The following TTC17 variants were observed in gnomAD, a reference collection of about 807,000 sequenced individuals.
TTC17 encodes tetratricopeptide repeat domain 17.
In TTC17, 58 loss-of-function variants were observed where a neutral mutation model predicts 143.8. The ratio of observed to expected loss-of-function variants is 0.40; its 90% CI spans 0.33 to 0.50. TTC17 has a LOEUF of 0.50. Among genes scored for constraint, TTC17 ranks in the 20% least tolerant of loss-of-function variants. TTC17 has a pLI of 0.49. For synonymous variants in TTC17, 501 were observed against 497.8 expected, an observed-to-expected ratio of 1.01 and a Z score of -0.09; for missense variants, 1,273 against 1,392.5, an observed-to-expected ratio of 0.91 and a Z score of 1.37.
intron 21 of TTC17, among the ~76,000 whole-genome samples, chr11:43,480,002 A>C (rs1422341484): frequency 6.6e-6 from 1 of 152,288 alleles, no homozygotes; most frequent in South Asian, 2.1e-4. Context: ...AATAGGAAGA[A>C]AGAAGTCCCT....
intron 21 of TTC17, among the ~76,000 whole-genome samples, chr11:43,483,023 A>AT (rs1345306126): frequency 6.6e-6 from 1 of 152,188 alleles, no homozygotes; most frequent in Non-Finnish European, 1.5e-5. Context: ...AACTATGGTT[A>AT]TATCAAATTA....
At chr11:43,369,065 C>T (rs1386747486) in intron 1 of TTC17, among the ~76,000 whole-genome samples, 3 of 152,240 alleles carry the variant, frequency 2.0e-5, no homozygotes, top group Admixed American at 1.3e-4. Context: ...TCTAAAACAG[C>T]GTCTATTTGA....
At chr11:43,442,265 T>G (rs1299280009) in intron 16 of TTC17, among the ~76,000 whole-genome samples, 2 of 152,232 alleles carry the variant, frequency 1.3e-5, no homozygotes, top group Non-Finnish European at 2.9e-5. Context: ...CTTCATTATG[T>G]GGTGCATGGC....
intron 21 of TTC17, chr11:43,466,900 A>T: frequency 4.6e-6 from 1 of 215,424 alleles, no homozygotes; most frequent in Non-Finnish European, 9.5e-6. Context: ...TTTTATCTTA[A>T]CCACCAGACC....
intron 16 of TTC17, among the ~76,000 whole-genome samples, chr11:43,440,199 T>C (rs1025495921): frequency 5.3e-5 from 8 of 152,174 alleles, no homozygotes; most frequent in African/African-American, 9.6e-5. Flanking sequence ...TAGGACAATA[T>C]CTGAAGATAC....
At chr11:43,401,159 C>T (rs960124429) in intron 9 of TTC17, among the ~76,000 whole-genome samples, 3 of 152,038 alleles carry the variant, frequency 2.0e-5, no homozygotes, top group South Asian at 2.1e-4. Context: ...TCTCTTAAAA[C>T]GATGTAATCA....
At chr11:43,486,536 C>A in intron 21 of TTC17, 1 of 327,674 alleles carries the variant, frequency 3.1e-6, no homozygotes, top group Non-Finnish European at 6.6e-6. Flanking sequence ...ACATGTATGT[C>A]AGAGATAGAA....
At chr11:43,430,709 GCACACACACACACACA>G (rs10658685) in intron 16 of TTC17, among the ~76,000 whole-genome samples, 3 of 138,448 alleles carry the variant, frequency 2.2e-5, no homozygotes, top group Admixed American at 7.2e-5. Context: ...CTACATACAC[GCACACACACACACACA>G]CACACACACA....
chr11:43,469,889 A>G (rs1002245070), intron 21 of TTC17, among the ~76,000 whole-genome samples: 1 of 152,200 alleles, frequency 6.6e-6, no homozygotes, highest in Non-Finnish European at 1.5e-5. Context: ...TGCTTTTACC[A>G]ACAGATTGTA....
chr11:43,485,785 G>T (rs1948368011), intron 21 of TTC17, among the ~76,000 whole-genome samples: 1 of 151,866 alleles, frequency 6.6e-6, no homozygotes, highest in African/African-American at 2.4e-5. Context: ...CTAGGGTTAG[G>T]AAGGACATGG....
chr11:43,422,514 CA>C (rs1946929639), intron 16 of TTC17, among the ~76,000 whole-genome samples: 1 of 152,110 alleles, frequency 6.6e-6, no homozygotes, highest in African/African-American at 2.4e-5. Flanking sequence ...GGTCAAAAAT[CA>C]GTTACTAGGG....
At chr11:43,452,587 G>C (rs531114796) in intron 21 of TTC17, among the ~76,000 whole-genome samples, 19 of 152,004 alleles carry the variant, frequency 1.2e-4, no homozygotes, top group Non-Finnish European at 2.6e-4. Context: ...AGAACACACA[G>C]CAGGAAAATA....
chr11:43,366,095 C>T (rs915375350), intron 1 of TTC17, among the ~76,000 whole-genome samples: 2 of 151,918 alleles, frequency 1.3e-5, no homozygotes, highest in Non-Finnish European at 1.5e-5. Context: ...ATTTTTCTGC[C>T]TCAGCCTCCC....
chr11:43,398,894 G>T (rs929628042), intron 8 of TTC17, among the ~76,000 whole-genome samples: 1 of 152,156 alleles, frequency 6.6e-6, no homozygotes, highest in African/African-American at 2.4e-5. Flanking sequence ...ATGCCAGCTT[G>T]CTTATTCATA....
intron 16 of TTC17, among the ~76,000 whole-genome samples, chr11:43,437,121 C>T (rs779809297): frequency 2.0e-5 from 3 of 151,240 alleles, no homozygotes; most frequent in East Asian, 1.9e-4. Context: ...TTTTTTTTAG[C>T]GTACTCTTTA....
At chr11:43,444,374 A>G in intron 18 of TTC17, 165 bp downstream of exon 18, 1 of 566,152 alleles carries the variant, frequency 1.8e-6, no homozygotes. Flanking sequence ...AAAATGTTCA[A>G]ACTCTAAAAC....
intron 15 of TTC17, among the ~76,000 whole-genome samples, chr11:43,413,613 C>G (rs1158345102): frequency 6.6e-6 from 1 of 151,822 alleles, no homozygotes; most frequent in Non-Finnish European, 1.5e-5. Context: ...ACAGAGAGCT[C>G]CTTCAAGGCC....
intron 13 of TTC17, 61 bp from the exon 14 acceptor site, chr11:43,407,077 T>C (rs1006376468): frequency 1.4e-5 from 17 of 1,208,580 alleles, no homozygotes; most frequent in Middle Eastern, 2.8e-4. Flanking sequence ...TCTATAGAAA[T>C]TCTTTTCAAA....
Position 43,396,708 on chromosome 11 carries a change from G to A in TTC17, c.664-1G>A, listed in dbSNP as rs1857605967. 1 of 1,548,722 alleles carries A rather than the reference G, an allele frequency of 6.5e-7. No homozygotes were observed. Among genetic ancestry groups the A allele is most frequent in the South Asian group, 1.2e-5 (1 of 83,350 alleles). On this transcript the variant is annotated splice_acceptor_variant, in intron 5 of 23. Coordinates refer to ENST00000039989, the MANE Select transcript of TTC17 (RefSeq NM_018259.6). LOFTEE classifies it high-confidence loss of function. Reference sequence around the variant, plus strand: ...TGTAATTTTACTTTTTTAATCTCTAGAACACTTCCTCGTGGGTACTGTATA... The same window carrying A: ...TGTAATTTTACTTTTTTAATCTCTAAAACACTTCCTCGTGGGTACTGTATA...
Sources: allele counts gnomAD v4.1 joint callset (sites outside exome capture counted in the v4.1 genomes callset), GRCh38; gene constraint gnomAD v4.1.1; transcripts MANE v1.5; gene names NCBI Gene and HGNC (gene_info 2026-07-23, HGNC 2026-07-21).